Variants in FAT3 observed in about 807,000 individuals in gnomAD.
FAT3 encodes FAT atypical cadherin 3, also known as protocadherin Fat 3.
A neutral mutation model predicts 310.2 loss-of-function variants in FAT3; 95 were observed. That is an observed-to-expected ratio of 0.31 (90% confidence interval 0.26 to 0.36). The LOEUF is 0.36. FAT3 is among the 10% of genes least tolerant of loss of function. The pLI, the probability that FAT3 is intolerant of heterozygous loss-of-function variation, is 1.00. For synonymous variants in FAT3, 2,314 were observed against 2,192.9 expected (o/e 1.06, Z -1.54); for missense variants, 5,408 against 5,715.6 (o/e 0.95, Z 1.74).
chr11:92,726,418 C>G (rs1945000213), intron 4 of FAT3, among the ~76,000 whole-genome samples: 1 of 152,092 alleles, frequency 6.6e-6, no homozygotes. Flanking sequence ...AGACACAGAA[C>G]AACCATAACA....
intron 2 of FAT3, among the ~76,000 whole-genome samples, chr11:92,411,154 TATATATA>T (rs1484977576): frequency 3.5e-5 from 5 of 142,948 alleles, no homozygotes; most frequent in Non-Finnish European, 7.6e-5. Flanking sequence ...ATAAATTATA[TATATATA>T]ATATATATAT....
At position 92,277,737 on chromosome 11, in the gene FAT3, T is replaced by C. The variant is rs1317013071; in HGVS notation, c.-18+52563T>C. Among the ~76,000 whole-genome samples the C allele has an allele frequency of 2.0e-5, 3 of 152,086 alleles. No homozygotes were observed. The East Asian group carries it at 5.8e-4, about 29-fold the overall frequency. On this transcript the variant is annotated intron_variant, in intron 1 of 27. Coordinates refer to ENST00000525166, the MANE Select transcript of FAT3 (RefSeq NM_001367949.2). ...GAGAGGAGGGCAAGGGTTGAAAAGC[T>C]ACCTGTTGCTTACTATGCATAGCAC...
chr11:92,353,788 A>G lies in FAT3; in HGVS notation c.1676A>G (p.Glu559Gly). The change falls in exon 2 of 28, where the codon GAA (glutamate) becomes GGA (glycine). Residue 559 changes from glutamate (E) to glycine (G), a missense_variant. Around this residue, in one of 5 missense-constraint regions of FAT3, gnomAD observed 4,588 missense variants for 4,809.8 expected, o/e 0.95. Transcript: ENST00000525166. The part of the protein sequence containing the change: ...ASDWGSPYRH[E>G]SEVNVTIRIG... ...GACTGGGGTTCACCATACCGCCATG[A>G]AAGTGAGGTCAATGTGACTATTCGA... 1 of 1,613,558 alleles carries G rather than the reference A, an allele frequency of 6.2e-7. No homozygotes were observed. Among genetic ancestry groups the G allele is most frequent in the Non-Finnish European group, 8.5e-7 (1 of 1,179,550 alleles).
At chr11:92,774,456 A>G (rs1044546015) in intron 7 of FAT3, among the ~76,000 whole-genome samples, 1 of 152,214 alleles carries the variant, frequency 6.6e-6, no homozygotes, top group Non-Finnish European at 1.5e-5. Flanking sequence ...CTGTTTGACA[A>G]TAAAGTCAAC....
At chr11:92,244,510 T>C (rs1480699385) in intron 1 of FAT3, among the ~76,000 whole-genome samples, 1 of 152,106 alleles carries the variant, frequency 6.6e-6, no homozygotes, top group African/African-American at 2.4e-5. Flanking sequence ...ATCTGGTAGT[T>C]GGAAATACTA....
intron 2 of FAT3, among the ~76,000 whole-genome samples, chr11:92,427,851 C>T (rs1040039586): frequency 7.2e-5 from 11 of 152,034 alleles, no homozygotes; most frequent in African/African-American, 2.7e-4. Flanking sequence ...GTGTCTCTGT[C>T]AGGTTTTGGT....
chr11:92,393,666 G>C (rs1443704696), intron 2 of FAT3, among the ~76,000 whole-genome samples: 1 of 152,158 alleles, frequency 6.6e-6, no homozygotes, highest in African/African-American at 2.4e-5. Flanking sequence ...ATTTACTTAT[G>C]ATCCACAATA....
At chr11:92,431,688 A>G (rs1163392916) in intron 2 of FAT3, among the ~76,000 whole-genome samples, 1 of 152,160 alleles carries the variant, frequency 6.6e-6, no homozygotes, top group Admixed American at 6.6e-5. Flanking sequence ...TAATTTTTGT[A>G]TAAGGTATAA....
chr11:92,441,010 A>G (rs570069299), intron 2 of FAT3, among the ~76,000 whole-genome samples: 2 of 152,330 alleles, frequency 1.3e-5, no homozygotes, highest in South Asian at 4.1e-4. Flanking sequence ...CAAAGATGTG[A>G]CATGACTCCT....
At chr11:92,766,626 G>C (rs1415834862) in intron 6 of FAT3, 1 of 152,164 alleles carries the variant, frequency 6.6e-6, no homozygotes, top group Admixed American at 6.5e-5. Context: ...TACTTACTTG[G>C]TATTAATCAT....
Position 92,285,254 on chromosome 11 carries a change from A to G in FAT3, c.-18+60080A>G, listed in dbSNP as rs556898432. On this transcript the variant is annotated intron_variant, in intron 1 of 27. Transcript: ENST00000525166. The stretch of plus-strand genomic sequence containing the variant: ...CTCTGCTTATGTGTTGCATGTGCAC[A>G]GCTAAGATTACAACTTCTAAAAACA... 2.0e-5 allele frequency among the ~76,000 whole-genome samples: 3 copies of G among 148,752 alleles called. No homozygotes were observed. The East Asian group carries it at 5.9e-4, about 29-fold the overall frequency.
intron 3 of FAT3, among the ~76,000 whole-genome samples, chr11:92,638,925 A>G (rs2059939477): frequency 6.6e-6 from 1 of 152,176 alleles, no homozygotes; most frequent in African/African-American, 2.4e-5. Flanking sequence ...TGGAGCCCCT[A>G]CTAATCTCAT....
At chr11:92,559,483 C>T in intron 3 of FAT3, 1 of 378,186 alleles carries the variant, frequency 2.6e-6, no homozygotes, top group Non-Finnish European at 5.3e-6. Flanking sequence ...CTCCTGGATT[C>T]AAGGGATACC....
chr11:92,382,231 C>T (rs1208894886), intron 2 of FAT3, among the ~76,000 whole-genome samples: 3 of 152,098 alleles, frequency 2.0e-5, no homozygotes, highest in East Asian at 1.9e-4. Context: ...TTGAAAGTTG[C>T]GTGAGTCTTA....
intron 2 of FAT3, among the ~76,000 whole-genome samples, chr11:92,518,475 C>G (rs1306679154): frequency 6.6e-6 from 1 of 151,944 alleles, no homozygotes; most frequent in African/African-American, 2.4e-5. Context: ...AACACATGGA[C>G]ACAGGGAGGG....
At position 92,622,414 on chromosome 11, in the gene FAT3, C is replaced by T. The variant is rs144761626; in HGVS notation, c.3608-74970C>T. Among the ~76,000 whole-genome samples the T allele has an allele frequency of 1.8e-3, 276 of 152,172 alleles. 3 individuals carry two copies. The highest frequency in any genetic ancestry group is 6.3e-3 in the African/African-American group (260 of 41,518). ...AAACAATAATCCCAATAATACCTTG[C>T]TAAGTAATTCTTTGGAGGCAGTAAA... On this transcript the variant is annotated intron_variant, in intron 3 of 27. Coordinates refer to ENST00000525166, the MANE Select transcript of FAT3 (RefSeq NM_001367949.2).
chr11:92,819,074 C>A (rs1320629244), intron 13 of FAT3, among the ~76,000 whole-genome samples: 1 of 152,198 alleles, frequency 6.6e-6, no homozygotes, highest in Admixed American at 6.5e-5. Flanking sequence ...AGTTAGCGTA[C>A]TTTTTCATTC....
At chr11:92,476,460 G>A (rs1432593325) in intron 2 of FAT3, among the ~76,000 whole-genome samples, 1 of 152,046 alleles carries the variant, frequency 6.6e-6, no homozygotes, top group African/African-American at 2.4e-5. Flanking sequence ...AATTTCCTTG[G>A]TCTTATCAGC....
At chr11:92,524,605 G>C (rs773352993) in intron 2 of FAT3, 29 bp from the exon 3 acceptor site, 1 of 1,594,150 alleles carries the variant, frequency 6.3e-7, no homozygotes, top group South Asian at 1.1e-5. Context: ...CTTTCTCTGT[G>C]ACAGTAACAC....
Sources: gnomAD v4.1 joint callset for allele counts (sites outside exome capture counted in the v4.1 genomes callset) on GRCh38, gnomAD v4.1.1 for gene constraint, gnomAD v4.1.1 regional missense constraint, MANE v1.5 for transcripts, NCBI Gene and HGNC (gene_info 2026-07-23, HGNC 2026-07-21) for gene names.